ACOT13: variants seen among roughly 807,000 people sequenced by gnomAD.
ACOT13 encodes the protein acyl-CoA thioesterase 13, also known as acyl-coenzyme A thioesterase 13.
A neutral mutation model predicts 11.8 loss-of-function variants in ACOT13; 10 were observed. The ratio of observed to expected loss-of-function variants is 0.85; its 90% CI spans 0.53 to 1.44. The LOEUF is 1.44. ACOT13 is among the 40% of genes most tolerant of loss of function. The pLI is 0.00. For missense variants in ACOT13, 172 were observed against 174.1 expected (o/e 0.99, Z 0.07); for synonymous variants, 53 against 61.0 (o/e 0.87, Z 0.61).
chr6:24,673,756 G>A (rs12214093), intron 1 of ACOT13, among the ~76,000 whole-genome samples: 59,839 of 152,062 alleles, frequency 0.39, 12,793 homozygotes, highest in Non-Finnish European at 0.5. Flanking sequence ...TTTTTAACAT[G>A]AAGCCCAGTC....
chr6:24,691,556 G>T (rs934108662), intron 1 of ACOT13, among the ~76,000 whole-genome samples: 1 of 152,120 alleles, frequency 6.6e-6, no homozygotes, highest in Admixed American at 6.5e-5. Context: ...GCCCCAAGAT[G>T]TGTATTCCTG....
chr6:24,674,906 G>A (rs1236249508), intron 1 of ACOT13, among the ~76,000 whole-genome samples: 6 of 106,080 alleles, frequency 5.7e-5, no homozygotes, highest in East Asian at 2.7e-4. Flanking sequence ...GACAGGCCCC[G>A]GTGTGTGATG....
At chr6:24,673,309 T>A (rs1042185434) in intron 1 of ACOT13, among the ~76,000 whole-genome samples, 3 of 152,038 alleles carry the variant, frequency 2.0e-5, no homozygotes, top group East Asian at 3.9e-4. Flanking sequence ...TGAAAAAAAA[T>A]GGCAAGATGC....
intron 1 of ACOT13, among the ~76,000 whole-genome samples, chr6:24,690,892 A>T (rs1005754250): frequency 2.6e-5 from 4 of 152,152 alleles, no homozygotes; most frequent in Admixed American, 6.5e-5. Context: ...TGCAGGTGAC[A>T]CCTGCTATCT....
At chr6:24,699,138 GTAAC>G (rs549807457) in intron 2 of ACOT13, among the ~76,000 whole-genome samples, 9 of 151,304 alleles carry the variant, frequency 5.9e-5, no homozygotes, top group Admixed American at 1.3e-4. Context: ...CAACAAAAAT[GTAAC>G]TAACTGAGAG....
intron 1 of ACOT13, 112 bp downstream of exon 1, chr6:24,667,456 T>C (rs1436706624): frequency 5.2e-6 from 5 of 953,974 alleles, no homozygotes; most frequent in South Asian, 4.3e-5. Flanking sequence ...TGTGTTCTAG[T>C]ACGCCTGTAA....
chr6:24,702,153 C>G lies in ACOT13; in HGVS notation c.*538C>G, dbSNP rs1456200199. ...TGAAATGGAGTCTCGCTCTGTTGCCCAGGCTGGAGTACAGCAGCACGATCT... is the reference window on the plus strand; with the variant it reads ...TGAAATGGAGTCTCGCTCTGTTGCCGAGGCTGGAGTACAGCAGCACGATCT... On this transcript the variant is annotated 3_prime_UTR_variant, in exon 3 of 3. Coordinates refer to ENST00000230048, the MANE Select transcript of ACOT13 (RefSeq NM_018473.4). 6.6e-6 allele frequency: 1 copy of G among 152,518 alleles called. No homozygotes were observed. The highest frequency in any genetic ancestry group is 1.9e-4 in the East Asian group (1 of 5,196). 9.4% of individuals were successfully genotyped at this position (152,518 alleles called of 1,614,324 possible). A position where few individuals can be genotyped will look rare whatever the true frequency, so the allele number is the denominator to read the frequency against.
intron 1 of ACOT13, among the ~76,000 whole-genome samples, chr6:24,696,535 G>A (rs1159283378): frequency 2.0e-5 from 3 of 152,236 alleles, no homozygotes; most frequent in Middle Eastern, 3.4e-3. Context: ...TAATGCTTGA[G>A]ACATCCCCCT....
rs1193941386 is a variant in ACOT13 at position 24,703,193 on chromosome 6, TGTCAGGGA to T, written c.*1579_*1586del. 1 of 152,266 alleles carries T rather than the reference TGTCAGGGA, an allele frequency of 6.6e-6. No individual in the cohort carries two copies. Among genetic ancestry groups the T allele is most frequent in the Non-Finnish European group, 1.5e-5 (1 of 68,044 alleles). 9.4% of individuals were successfully genotyped at this position (152,266 alleles called of 1,614,324 possible). A position where few individuals can be genotyped will look rare whatever the true frequency, so the allele number is the denominator to read the frequency against. On this transcript the variant is annotated 3_prime_UTR_variant, in exon 3 of 3. Transcript: ENST00000230048. ...ACCCAGCTGACTCTTACTTGATTTC[TGTCAGGGA>T]ATCTTAATGAACATTTCATGACTAA...
At chr6:24,687,507 G>A (rs1778651143) in intron 1 of ACOT13, 2 of 1,373,006 alleles carry the variant, frequency 1.5e-6, no homozygotes, top group Non-Finnish European at 1.9e-6. Flanking sequence ...TAAGGAAGTG[G>A]AATTCCAAAG....
chr6:24,691,069 C>A (rs1778712120), intron 1 of ACOT13, among the ~76,000 whole-genome samples: 2 of 152,196 alleles, frequency 1.3e-5, no homozygotes, highest in Admixed American at 1.3e-4. Flanking sequence ...GCTTAATAAC[C>A]ATTTGTCAAA....
rs1056317 is a variant in ACOT13 at position 24,702,686 on chromosome 6, A to C, written c.*1071A>C. On this transcript the variant is annotated 3_prime_UTR_variant, in exon 3 of 3. Coordinates refer to ENST00000230048, the MANE Select transcript of ACOT13 (RefSeq NM_018473.4). ...GAACTACAGCCCATATTGAAAAATA[A>C]AATAGATTGAGCCATATGCCTAAAA... 2 of 152,170 alleles carry C rather than the reference A, an allele frequency of 1.3e-5. No individual in the cohort carries two copies. The highest frequency in any genetic ancestry group is 2.4e-5 in the African/African-American group (1 of 41,434). The allele number at this position is 152,170 out of a possible 1,614,324, so 9.4% of individuals were successfully genotyped here.
intron 1 of ACOT13, among the ~76,000 whole-genome samples, chr6:24,668,764 G>C (rs1778307798): frequency 1.3e-5 from 2 of 152,250 alleles, no homozygotes; most frequent in Admixed American, 1.3e-4. Flanking sequence ...AAGTTACATA[G>C]TTACACTCCT....
rs758439505 is a variant in ACOT13, at chr6:24,697,927, G to GA, written c.129dup (p.Val44SerfsTer23). On this transcript the variant is annotated frameshift_variant, in exon 2 of 3. Coordinates refer to ENST00000230048, the MANE Select transcript of ACOT13 (RefSeq NM_018473.4). LOFTEE classifies it high-confidence loss of function. ...CTCCTGGGAAAGTGATTTGTGAAAT[G>GA]AAAGTAGAAGAAGAGCATACCAATG... 2 of 1,612,688 alleles carry GA rather than the reference G, an allele frequency of 1.2e-6. No individual in the cohort carries two copies. Among genetic ancestry groups the GA allele is most frequent in the Non-Finnish European group, 8.5e-7 (1 of 1,179,572 alleles).
chr6:24,685,283 A>G (rs1375108787), intron 1 of ACOT13, among the ~76,000 whole-genome samples: 2 of 150,470 alleles, frequency 1.3e-5, no homozygotes, highest in African/African-American at 4.9e-5. Context: ...ATTTATGCAT[A>G]GTAATTCATA....
chr6:24,694,081 A>C (rs187196512), intron 1 of ACOT13, among the ~76,000 whole-genome samples: 32 of 152,312 alleles, frequency 2.1e-4, no homozygotes, highest in African/African-American at 6.7e-4. Context: ...TATAAAAGGG[A>C]CAGATTATTG....
chr6:24,671,800 C>T (rs1240297732), intron 1 of ACOT13, among the ~76,000 whole-genome samples: 2 of 152,126 alleles, frequency 1.3e-5, no homozygotes, highest in Admixed American at 6.6e-5. Context: ...AATTTGATAC[C>T]TCTCCTCTGT....
chr6:24,703,937 T>G lies in ACOT13; in HGVS notation c.*2322T>G, dbSNP rs544702505. On this transcript the variant is annotated 3_prime_UTR_variant, in exon 3 of 3. Coordinates refer to ENST00000230048, the MANE Select transcript of ACOT13 (RefSeq NM_018473.4). ...AAATTGCCCTGTACTCCAAAAAACA[T>G]AGAGGTCATGGAACACATAAAGGCT... The G allele has an allele frequency of 2.6e-5, 4 of 152,092 alleles. No individual in the cohort carries two copies. The highest frequency in any genetic ancestry group is 5.9e-5 in the Non-Finnish European group (4 of 68,036). 9.4% of individuals were successfully genotyped at this position (152,092 alleles called of 1,614,324 possible).
chr6:24,678,029 G>A (rs1258525232), intron 1 of ACOT13, among the ~76,000 whole-genome samples: 1 of 152,196 alleles, frequency 6.6e-6, no homozygotes, highest in Non-Finnish European at 1.5e-5. Flanking sequence ...TGATCGGGTG[G>A]CTAAAATTAA....
Sources: gnomAD v4.1 joint callset for allele counts (sites outside exome capture counted in the v4.1 genomes callset) on GRCh38, gnomAD v4.1.1 for gene constraint, MANE v1.5 for transcripts, NCBI Gene and HGNC (gene_info 2026-07-23, HGNC 2026-07-21) for gene names.